Variants in DMD observed in about 807,000 individuals in gnomAD.
DMD encodes the protein mutant dystrophin.
DMD carries 63 observed loss-of-function variants against 330.1 expected under a neutral mutation model. That is an observed-to-expected ratio of 0.19 (90% CI 0.16 to 0.24). DMD has a LOEUF of 0.24. Among genes scored for constraint, DMD ranks in the 10% least tolerant of loss-of-function variants. DMD has a pLI of 1.00. For synonymous variants in DMD, 1,223 were observed against 959.8 expected, an observed-to-expected ratio of 1.27 and a Z score of -5.07; for missense variants, 3,344 against 2,684.1, an observed-to-expected ratio of 1.25 and a Z score of -5.43.
At chrX:31,968,536 A>G (rs1241478531) in intron 44 of DMD, 22 bp from the exon 45 acceptor site, 2 of 1,205,197 alleles carry the variant, frequency 1.7e-6, no homozygotes, top group Admixed American at 4.4e-5. Flanking sequence ...CAAAAAGGCA[A>G]AACAAAAATG....
intron 1 of DMD, among the ~76,000 whole-genome samples, chrX:33,138,563 T>C (rs924663820): frequency 8.9e-6 from 1 of 111,899 alleles, no homozygotes; most frequent in African/African-American, 3.3e-5. Flanking sequence ...CTGTCTACTT[T>C]TATTTTTTTT....
intron 67 of DMD, among the ~76,000 whole-genome samples, chrX:31,188,721 A>C (rs767340650): frequency 8.9e-6 from 1 of 112,043 alleles, no homozygotes; most frequent in East Asian, 2.8e-4. Context: ...ACAGTTTGGA[A>C]TTATGTTGGG....
chrX:31,389,456 TGA>T (rs2060598784), intron 60 of DMD, among the ~76,000 whole-genome samples: 1 of 112,278 alleles, frequency 8.9e-6, no homozygotes, highest in Non-Finnish European at 1.9e-5. Context: ...TCTAGGCAGC[TGA>T]TATCAGTCAA....
At chrX:31,157,218 C>T (rs1406832319) in intron 74 of DMD, among the ~76,000 whole-genome samples, 1 of 111,826 alleles carries the variant, frequency 8.9e-6, no homozygotes, top group African/African-American at 3.3e-5. Context: ...GCTCAAGTTC[C>T]AAGAGACAGA....
intron 44 of DMD, among the ~76,000 whole-genome samples, chrX:32,139,103 G>C (rs2096741133): frequency 1.8e-5 from 2 of 112,289 alleles, no homozygotes; most frequent in Non-Finnish European, 3.8e-5. Context: ...ACATTTTCCA[G>C]AATGGAAAAT....
chrX:32,177,257 T>C (rs946705939), intron 44 of DMD, among the ~76,000 whole-genome samples: 2 of 111,972 alleles, frequency 1.8e-5, no homozygotes, highest in African/African-American at 6.5e-5. Flanking sequence ...AAGAAGTCTC[T>C]GAATCAAAGC....
At chrX:32,724,276 T>C (rs888874715) in intron 7 of DMD, among the ~76,000 whole-genome samples, 2 of 111,608 alleles carry the variant, frequency 1.8e-5, no homozygotes, top group Admixed American at 9.6e-5. Flanking sequence ...GTGAATAAAA[T>C]AGGTGAAGTG....
chrX:31,749,017 T>C lies in DMD; in HGVS notation c.7543-19269A>G, dbSNP rs138011731. ...AACAACTCTACCTAGCTGGGTACTA[T>C]ATTCATTTTTTTACACATGAGGAAA... On this transcript the variant is annotated intron_variant, in intron 51 of 78. Coordinates refer to ENST00000357033, the MANE Select transcript of DMD (RefSeq NM_004006.3). 4.2e-3 allele frequency among the ~76,000 whole-genome samples: 471 copies of C among 110,980 alleles called. 1 individual carries two copies. The highest frequency in any genetic ancestry group is 0.014 in the African/African-American group (420 of 29,968).
chrX:32,963,073 C>G (rs1024277280), intron 2 of DMD, among the ~76,000 whole-genome samples: 1 of 111,675 alleles, frequency 9.0e-6, no homozygotes, highest in Non-Finnish European at 1.9e-5. Context: ...TCATACCACT[C>G]TATTCAACGA....
At chrX:32,413,008 T>C (rs1468807739) in intron 29 of DMD, among the ~76,000 whole-genome samples, 1 of 111,193 alleles carries the variant, frequency 9.0e-6, no homozygotes, top group African/African-American at 3.3e-5. Flanking sequence ...ACAGGAAGTT[T>C]AGTGATGCTG....
chrX:33,089,060 A>T (rs2095049311), intron 1 of DMD, among the ~76,000 whole-genome samples: 1 of 97,665 alleles, frequency 1.0e-5, no homozygotes, highest in Non-Finnish European at 2.0e-5. Context: ...TTGCTACTCA[A>T]TTCATTTTTT....
chrX:32,501,624 A>C (rs1424846017), intron 19 of DMD, 131 bp downstream of exon 19: 11 of 519,437 alleles, frequency 2.1e-5, no homozygotes, highest in Middle Eastern at 3.6e-4. Flanking sequence ...AATAATAAAA[A>C]ACATACAAAC....
chrX:31,553,103 C>T (rs1053734521), intron 55 of DMD, among the ~76,000 whole-genome samples: 1 of 111,710 alleles, frequency 9.0e-6, no homozygotes, highest in Non-Finnish European at 1.9e-5. Flanking sequence ...GTTAGAGATG[C>T]AAATTCTCAG....
intron 41 of DMD, among the ~76,000 whole-genome samples, chrX:32,331,687 C>G (rs138329768): frequency 9.0e-6 from 1 of 111,266 alleles, no homozygotes; most frequent in East Asian, 2.8e-4. Flanking sequence ...GTATATCTAA[C>G]AGAGCCATAA....
chrX:32,899,501 C>A (rs937795963), intron 2 of DMD, among the ~76,000 whole-genome samples: 1 of 108,786 alleles, frequency 9.2e-6, no homozygotes, highest in Non-Finnish European at 1.9e-5. Flanking sequence ...TGGTGAAACC[C>A]CGTCGCTACT....
chrX:31,521,230 C>A (rs1256513764), intron 55 of DMD, among the ~76,000 whole-genome samples: 1 of 105,310 alleles, frequency 9.5e-6, no homozygotes, highest in Non-Finnish European at 2.0e-5. Flanking sequence ...GTGATCTCGG[C>A]TCACTGCAAC....
At chrX:33,060,694 G>A (rs1269049744) in intron 1 of DMD, among the ~76,000 whole-genome samples, 2 of 109,701 alleles carry the variant, frequency 1.8e-5, no homozygotes, top group African/African-American at 3.3e-5. Flanking sequence ...AAAATTAGCC[G>A]GGCGTGGTGG....
At chrX:31,729,160 T>C (rs965536531) in intron 52 of DMD, among the ~76,000 whole-genome samples, 3 of 111,945 alleles carry the variant, frequency 2.7e-5, no homozygotes, top group African/African-American at 9.8e-5. Flanking sequence ...ACGATGATTT[T>C]TGATATTACA....
At position 32,792,408 on chromosome X, in the gene DMD, G is replaced by GA. The variant is rs769149899; in HGVS notation, c.649+17084dup. ...AATGATAATGAGGGAAAAAAATGAAGAAAAAATATTCAAAACAACCATAAA... is the reference window on the plus strand; with the variant it reads ...AATGATAATGAGGGAAAAAAATGAAGAAAAAAATATTCAAAACAACCATAAA... On this transcript the variant is annotated intron_variant, in intron 7 of 78. Coordinates refer to ENST00000357033, the MANE Select transcript of DMD (RefSeq NM_004006.3). 4.7e-3 allele frequency among the ~76,000 whole-genome samples: 521 copies of GA among 110,415 alleles called. 1 individual carries two copies. Among genetic ancestry groups the GA allele is most frequent in the Middle Eastern group, 0.028 (6 of 214 alleles).
Sources: allele counts gnomAD v4.1 joint callset (sites outside exome capture counted in the v4.1 genomes callset), GRCh38; gene constraint gnomAD v4.1.1; transcripts MANE v1.5; gene names NCBI Gene and HGNC (gene_info 2026-07-23, HGNC 2026-07-21).